The following WDR7 variants were observed in gnomAD, a reference collection of about 807,000 sequenced individuals.
WDR7 encodes the protein WD repeat-containing protein 7.
WDR7 carries 46 observed loss-of-function variants against 169.4 expected under a neutral mutation model. The ratio of observed to expected loss-of-function variants is 0.27; its 90% CI spans 0.21 to 0.35. The LOEUF is 0.35. Among genes scored for constraint, WDR7 ranks in the 10% least tolerant of loss-of-function variants. The pLI is 1.00. For synonymous variants in WDR7, 612 were observed against 666.8 expected, an observed-to-expected ratio of 0.92 and a Z score of 1.27; for missense variants, 1,534 against 1,859.3, an observed-to-expected ratio of 0.83 and a Z score of 3.22.
intron 26 of WDR7, among the ~76,000 whole-genome samples, chr18:56,963,056 A>G (rs1483838078): frequency 6.6e-6 from 1 of 152,186 alleles, no homozygotes; most frequent in African/African-American, 2.4e-5. Flanking sequence ...TTATGCTTTT[A>G]TAACACTTCA....
chr18:56,952,916 T>C (rs2047202633), intron 25 of WDR7, among the ~76,000 whole-genome samples: 1 of 152,138 alleles, frequency 6.6e-6, no homozygotes, highest in Admixed American at 6.6e-5. Context: ...CAGAAAAAGA[T>C]TAGTGGTTGC....
chr18:56,988,306 A>C (rs2047754670), intron 26 of WDR7, among the ~76,000 whole-genome samples: 1 of 152,210 alleles, frequency 6.6e-6, no homozygotes, highest in African/African-American at 2.4e-5. Flanking sequence ...ATCTCATGAT[A>C]AACATACCAC....
In WDR7 at chr18:56,958,455, TAG is replaced by T. The variant is rs772318533; in HGVS notation, c.4065-3972_4065-3971del. Among the ~76,000 whole-genome samples the T allele has an allele frequency of 7.4e-4, 112 of 152,318 alleles. 1 individual carries two copies. The highest frequency in any genetic ancestry group is 3.4e-3 in the Middle Eastern group (1 of 294). The stretch of plus-strand genomic sequence containing the variant: ...CTAATATAAATCTTTGGCAAATTCT[TAG>T]AGTCATTTTTTTTCCAGGACAACAT... On this transcript the variant is annotated intron_variant, in intron 25 of 27. Coordinates refer to ENST00000254442, the MANE Select transcript of WDR7 (RefSeq NM_015285.3).
At chr18:56,972,624 T>G (rs2047505073) in intron 26 of WDR7, among the ~76,000 whole-genome samples, 1 of 152,190 alleles carries the variant, frequency 6.6e-6, no homozygotes, top group East Asian at 1.9e-4. Context: ...TTCCTGACAC[T>G]GCATTGAAGA....
At chr18:57,030,644 C>T (rs1193405274), downstream of WDR7, 1 of 152,162 alleles carries the variant, frequency 6.6e-6, no homozygotes, top group East Asian at 1.9e-4. Context: ...AAAATCAATA[C>T]TTTGGAGCCA....
chr18:56,725,309 C>T (rs566037423), intron 13 of WDR7, among the ~76,000 whole-genome samples: 12 of 151,214 alleles, frequency 7.9e-5, no homozygotes, highest in African/African-American at 2.7e-4. Flanking sequence ...TCCTCTCCAG[C>T]ACCTGTTGTT....
At chr18:56,967,909 A>G (rs375455606) in intron 26 of WDR7, among the ~76,000 whole-genome samples, 162 of 152,346 alleles carry the variant, frequency 1.1e-3, no homozygotes, top group African/African-American at 3.8e-3. Flanking sequence ...TGTATTGGTT[A>G]GGGAATAATG....
At chr18:56,802,625 C>T (rs907112883) in intron 19 of WDR7, among the ~76,000 whole-genome samples, 4 of 151,716 alleles carry the variant, frequency 2.6e-5, no homozygotes, top group Non-Finnish European at 4.4e-5. Flanking sequence ...ATCTTGGCCT[C>T]CCAAAGTGCT....
chr18:56,852,640 G>C (rs1421370456), intron 20 of WDR7, among the ~76,000 whole-genome samples: 1 of 152,054 alleles, frequency 6.6e-6, no homozygotes, highest in African/African-American at 2.4e-5. Context: ...CTTTTAAGCT[G>C]TTCTGGGGCC....
chr18:56,913,328 AAGAG>A (rs2046578222), intron 21 of WDR7, among the ~76,000 whole-genome samples: 1 of 152,126 alleles, frequency 6.6e-6, no homozygotes. Flanking sequence ...TCAAAACAAC[AAGAG>A]GAAACTCTTC....
chr18:56,688,998 A>C (rs1319135922), intron 7 of WDR7, among the ~76,000 whole-genome samples: 1 of 152,178 alleles, frequency 6.6e-6, no homozygotes, highest in Non-Finnish European at 1.5e-5. Flanking sequence ...AACTCCTGCA[A>C]ATCAGGAAGA....
In WDR7 at chr18:56,938,851, GAT is replaced by G. The variant is rs535363447; in HGVS notation, c.3981+171_3981+172del. Among the ~76,000 whole-genome samples, 42 of 150,234 alleles carry G rather than the reference GAT, an allele frequency of 2.8e-4. No homozygotes were observed. The South Asian group carries it at 8.7e-3, about 31-fold the overall frequency. ...TGTGTGTGTGTGTGTGTAAGAGAGA[GAT>G]AACTAAAATTAACTTTTGTGCCATT... On this transcript the variant is annotated intron_variant, in intron 24 of 27. Transcript: ENST00000254442.
chr18:56,672,735 A>G (rs888363827), intron 2 of WDR7, 61 bp downstream of exon 2: 5 of 1,442,794 alleles, frequency 3.5e-6, no homozygotes, highest in Non-Finnish European at 4.6e-6. Context: ...TTAGAAGATA[A>G]TATAGTCCCC....
intron 26 of WDR7, among the ~76,000 whole-genome samples, chr18:56,992,442 T>C (rs557501127): frequency 8.5e-5 from 13 of 152,312 alleles, no homozygotes; most frequent in Admixed American, 2.0e-4. Context: ...GGAGACTGCA[T>C]ACAGAGATTA....
At chr18:56,720,692 T>G (rs1207169399) in intron 13 of WDR7, among the ~76,000 whole-genome samples, 1 of 152,190 alleles carries the variant, frequency 6.6e-6, no homozygotes, top group East Asian at 1.9e-4. Context: ...ACAAAGTTAC[T>G]GTTCTAGTGA....
At chr18:56,856,687 T>C (rs2045726963) in intron 20 of WDR7, among the ~76,000 whole-genome samples, 1 of 152,094 alleles carries the variant, frequency 6.6e-6, no homozygotes, top group South Asian at 2.1e-4. Context: ...TCTTTCCACA[T>C]TGATACCTCA....
At chr18:56,976,359 G>A (rs373858065) in intron 26 of WDR7, among the ~76,000 whole-genome samples, 6 of 152,082 alleles carry the variant, frequency 3.9e-5, no homozygotes, top group Admixed American at 6.6e-5. Flanking sequence ...ATGAGACAAC[G>A]GAAAGATTTA....
chr18:56,766,023 C>CTT (rs558592401), intron 16 of WDR7, among the ~76,000 whole-genome samples: 2,167 of 143,222 alleles, frequency 0.015, 23 homozygotes, highest in East Asian at 0.034. Context: ...TTTTTGAAAG[C>CTT]TTTTTTTTTT....
intron 16 of WDR7, among the ~76,000 whole-genome samples, chr18:56,771,578 A>T (rs1469026084): frequency 7.4e-6 from 1 of 134,240 alleles, no homozygotes; most frequent in South Asian, 2.7e-4. Flanking sequence ...CCCCCCCCCA[A>T]AAAAAGAAAA....
Sources: allele counts gnomAD v4.1 joint callset (sites outside exome capture counted in the v4.1 genomes callset), GRCh38; gene constraint gnomAD v4.1.1; transcripts MANE v1.5; gene names NCBI Gene and HGNC (gene_info 2026-07-23, HGNC 2026-07-21).